The following RANBP2 variants were observed in gnomAD, a reference collection of about 807,000 sequenced individuals.
The protein encoded by RANBP2 is RAN binding protein 2.
In RANBP2, 57 loss-of-function variants were observed where a neutral mutation model predicts 303.6. That is an observed-to-expected ratio of 0.19 (90% confidence interval 0.15 to 0.23). RANBP2 has a LOEUF of 0.23. RANBP2 is among the 10% of genes least tolerant of loss of function. The pLI, the probability that RANBP2 is intolerant of heterozygous loss-of-function variation, is 1.00. For synonymous variants in RANBP2, 1,167 were observed against 1,301.5 expected (o/e 0.90, Z 2.23); for missense variants, 3,138 against 3,780.8 (o/e 0.83, Z 4.46).
At chr2:109,307,872 C>T in the RANBP2 span, among the ~76,000 whole-genome samples, 1 of 127,950 alleles carries the variant, frequency 7.8e-6, no homozygotes, top group South Asian at 2.5e-4. Flanking sequence ...TGAATAATGC[C>T]GCAGTAAACA....
At chr2:108,843,876 G>GTGTGTGTGTGTGTGTT in the RANBP2 span, among the ~76,000 whole-genome samples, 447 of 13,818 alleles carry the variant, frequency 0.032, 1 homozygote, top group Middle Eastern at 0.25. Context: ...GTGTGTGTGT[G>GTGTGTGTGTGTGTGTT]TGTTTCTTTC....
At chr2:109,705,449 C>T in the RANBP2 span, among the ~76,000 whole-genome samples, 3 of 152,248 alleles carry the variant, frequency 2.0e-5, no homozygotes, top group Middle Eastern at 3.4e-3. Context: ...ATATATGCAG[C>T]GAGGGTGGGT....
At chr2:108,758,144 A>T (rs1335723595) in intron 17 of RANBP2, among the ~76,000 whole-genome samples, 4 of 152,068 alleles carry the variant, frequency 2.6e-5, no homozygotes, top group East Asian at 3.9e-4. Context: ...TATTACACAA[A>T]AAATTAGCCA....
chr2:109,695,428 C>T, the RANBP2 span, among the ~76,000 whole-genome samples: 2 of 152,214 alleles, frequency 1.3e-5, no homozygotes, highest in South Asian at 4.1e-4. Flanking sequence ...CCCAGTAGTC[C>T]CTGCTGAGAT....
the RANBP2 span, among the ~76,000 whole-genome samples, chr2:108,853,914 G>GTA: frequency 5.5e-5 from 6 of 109,634 alleles, no homozygotes; most frequent in South Asian, 2.5e-4. Context: ...ATATTATATA[G>GTA]TATATATATT....
chr2:109,408,644 C>T, the RANBP2 span, among the ~76,000 whole-genome samples: 1 of 152,262 alleles, frequency 6.6e-6, no homozygotes, highest in Non-Finnish European at 1.5e-5. Flanking sequence ...ATGCCCCGCA[C>T]TGGCACTCTC....
At chr2:108,940,712 C>T in the RANBP2 span, among the ~76,000 whole-genome samples, 1,209 of 152,350 alleles carry the variant, frequency 7.9e-3, 10 homozygotes, top group South Asian at 0.03. Context: ...CACGCGATGA[C>T]GTGGGTCTGA....
the RANBP2 span, among the ~76,000 whole-genome samples, chr2:109,219,610 A>G: frequency 6.6e-6 from 1 of 152,252 alleles, no homozygotes; most frequent in Non-Finnish European, 1.5e-5. Context: ...AAGTTGCAAA[A>G]TATAAAATTA....
the RANBP2 span, among the ~76,000 whole-genome samples, chr2:109,065,829 C>T: frequency 1.3e-5 from 2 of 152,226 alleles, no homozygotes; most frequent in African/African-American, 2.4e-5. Flanking sequence ...GCCTCAAATG[C>T]TGCCCAGCAA....
the RANBP2 span, chr2:108,896,740 A>T: frequency 1.5e-6 from 1 of 661,376 alleles, no homozygotes; most frequent in Non-Finnish European, 2.6e-6. Context: ...TCTTTGGTTA[A>T]ATTGGAAGAC....
the RANBP2 span, among the ~76,000 whole-genome samples, chr2:109,093,193 C>G: frequency 6.6e-6 from 1 of 152,072 alleles, no homozygotes; most frequent in Non-Finnish European, 1.5e-5. Flanking sequence ...ATAGAAACGG[C>G]TCAATGCTGT....
the RANBP2 span, among the ~76,000 whole-genome samples, chr2:108,849,401 G>A: frequency 6.6e-6 from 1 of 152,014 alleles, no homozygotes; most frequent in African/African-American, 2.4e-5. Context: ...CTTTTCCTTA[G>A]CCTCCTCTAG....
the RANBP2 span, among the ~76,000 whole-genome samples, chr2:108,922,850 C>T: frequency 6.6e-6 from 1 of 152,132 alleles, no homozygotes; most frequent in South Asian, 2.1e-4. Context: ...CCATGAAAGC[C>T]AGAAAGGATA....
At chr2:109,237,899 C>G in the RANBP2 span, among the ~76,000 whole-genome samples, 1 of 152,142 alleles carries the variant, frequency 6.6e-6, no homozygotes, top group South Asian at 2.1e-4. Flanking sequence ...GCTAAATAAG[C>G]TATGGTATAT....
At chr2:108,796,487 C>A in the RANBP2 span, among the ~76,000 whole-genome samples, 1 of 152,118 alleles carries the variant, frequency 6.6e-6, no homozygotes, top group African/African-American at 2.4e-5. Flanking sequence ...TGGGTATATC[C>A]CCGAAAAAAG....
rs563583432 is a variant in RANBP2, at chr2:108,731,073, C to T, written c.252+188C>T. On this transcript the variant is annotated intron_variant, in intron 3 of 28. Coordinates refer to ENST00000283195, the MANE Select transcript of RANBP2 (RefSeq NM_006267.5). Reference sequence around the variant, plus strand: ...ACACCTATAAATTGTAAGTCTAACACGGTCAGAAATGGTGTTCTTTTGTGT... The same window carrying T: ...ACACCTATAAATTGTAAGTCTAACATGGTCAGAAATGGTGTTCTTTTGTGT... Among the ~76,000 whole-genome samples the T allele has an allele frequency of 8.5e-4, 129 of 152,148 alleles. 1 individual carries two copies. The highest frequency in any genetic ancestry group is 3.6e-4 in the African/African-American group (15 of 41,522).
the RANBP2 span, among the ~76,000 whole-genome samples, chr2:109,384,169 G>A: frequency 6.6e-6 from 1 of 152,178 alleles, no homozygotes; most frequent in Non-Finnish European, 1.5e-5. Flanking sequence ...GGGGTCCCAC[G>A]TTCATCCAGT....
chr2:109,230,850 C>G, the RANBP2 span, among the ~76,000 whole-genome samples: 3 of 152,194 alleles, frequency 2.0e-5, no homozygotes, highest in Non-Finnish European at 4.4e-5. Flanking sequence ...TCTAAATCCC[C>G]TAGGAGTTCA....
At chr2:109,609,938 ATAAC>A in the RANBP2 span, among the ~76,000 whole-genome samples, 4 of 152,192 alleles carry the variant, frequency 2.6e-5, no homozygotes, top group Admixed American at 1.3e-4. Flanking sequence ...TCAGTCAACA[ATAAC>A]TAATTATACA....
Sources: gnomAD v4.1 joint callset for allele counts (sites outside exome capture counted in the v4.1 genomes callset) on GRCh38, gnomAD v4.1.1 for gene constraint, MANE v1.5 for transcripts, NCBI Gene and HGNC (gene_info 2026-07-23, HGNC 2026-07-21) for gene names.